IL18BP: variants seen among roughly 807,000 people sequenced by gnomAD.
IL18BP encodes the protein interleukin 18 binding protein.
IL18BP carries 23 observed loss-of-function variants against 19.9 expected under a neutral mutation model. The ratio of observed to expected loss-of-function variants is 1.15; its 90% confidence interval spans 0.83 to 1.64. IL18BP has a LOEUF of 1.64. Among genes scored for constraint, IL18BP ranks in the 40% most tolerant of loss-of-function variants. The probability of loss-of-function intolerance (pLI) is 0.00; values close to 1 mark genes in which losing one functional copy is unlikely to be tolerated. For missense variants in IL18BP, 239 were observed against 240.7 expected, an observed-to-expected ratio of 0.99 and a Z score of 0.05; for synonymous variants, 107 against 101.0, an observed-to-expected ratio of 1.06 and a Z score of -0.35.
chr11:71,999,884 A>G, intron 1 of IL18BP, 43 bp from the exon 2 acceptor site: 1 of 1,219,402 alleles, frequency 8.2e-7, no homozygotes, highest in Non-Finnish European at 1.2e-6. Context: ...TACTGAGAAA[A>G]AGCGGGAGTG....
At chr11:72,003,552 A>T, downstream of IL18BP, 2 of 1,614,150 alleles carry the variant, frequency 1.2e-6, no homozygotes, top group South Asian at 2.2e-5. Context: ...AAAGAGACAC[A>T]GTCACATGGC....
At chr11:72,005,386 A>G (rs1197842950), downstream of IL18BP, 3 of 1,601,132 alleles carry the variant, frequency 1.9e-6, no homozygotes, top group Admixed American at 3.5e-5. Context: ...AAGGCAGGGA[A>G]GTGGGAACAA....
downstream of IL18BP, among the ~76,000 whole-genome samples, chr11:72,006,505 T>A (rs1334981593): frequency 6.6e-6 from 1 of 152,200 alleles, no homozygotes; most frequent in Non-Finnish European, 1.5e-5. Flanking sequence ...CATAATGCTT[T>A]GAGGTAGGGA....
At chr11:72,001,610 G>A in intron 5 of IL18BP, 58 bp downstream of exon 5, 2 of 1,590,632 alleles carry the variant, frequency 1.3e-6, no homozygotes, top group Non-Finnish European at 1.7e-6. Context: ...CCATATGTGG[G>A]GAGGAAAGGG....
downstream of IL18BP, chr11:72,004,567 C>T (rs1955545268): frequency 1.7e-5 from 25 of 1,475,610 alleles, no homozygotes; most frequent in Non-Finnish European, 2.3e-5. Context: ...GAGAAGGCTC[C>T]CTTTAGTCCT....
At chr11:72,004,084 A>G, downstream of IL18BP, 2 of 1,613,146 alleles carry the variant, frequency 1.2e-6, no homozygotes, top group Non-Finnish European at 1.7e-6. Flanking sequence ...AAGGCCATCG[A>G]CTGGCGCCGG....
downstream of IL18BP, chr11:72,003,539 C>T: frequency 1.2e-6 from 2 of 1,614,198 alleles, no homozygotes; most frequent in East Asian, 2.2e-5. Context: ...AGTGCTTTGC[C>T]TGAAAGAGAC....
rs1040771898 is a variant in IL18BP at position 72,002,679 on chromosome 11, G to A, written c.*818G>A. The A allele has an allele frequency of 1.7e-5, 3 of 172,694 alleles. No individual in the cohort carries two copies. In the East Asian group the frequency reaches 3.1e-4, roughly 18 times the overall value. The allele number at this position is 172,694 out of a possible 1,614,324, so 10.7% of individuals were successfully genotyped here. On this transcript the variant is annotated 3_prime_UTR_variant, in exon 6 of 6. Coordinates refer to ENST00000393703, the MANE Select transcript of IL18BP (RefSeq NM_001039660.2). Reference sequence around the variant, plus strand: ...ACAGGCGCTTGAAAAAGAAAAGAGAGAACAGCCCATAATGCTCCCCGGGAG... The same window carrying A: ...ACAGGCGCTTGAAAAAGAAAAGAGAAAACAGCCCATAATGCTCCCCGGGAG...
At chr11:72,004,673 G>A (rs371991827), downstream of IL18BP, 8 of 1,613,206 alleles carry the variant, frequency 5.0e-6, no homozygotes, top group African/African-American at 8.0e-5. Context: ...GGGGCTCTAG[G>A]GAGACCCGTT....
At chr11:72,003,769 AC>A (rs1955439858), downstream of IL18BP, 5 of 1,143,752 alleles carry the variant, frequency 4.4e-6, no homozygotes, top group Non-Finnish European at 6.4e-6. Context: ...GACACCTCTT[AC>A]CCCACACCCT....
In IL18BP at chr11:72,002,446, G is replaced by T. The variant is rs1955313806; in HGVS notation, c.*585G>T. On this transcript the variant is annotated 3_prime_UTR_variant, in exon 6 of 6. Transcript: ENST00000393703. ...ACTCTAATGGACTGTTCCAGGGAAG[G>T]GATGGGGGCAGCAGCTGCTTCGGAT... 3 of 153,660 alleles carry T rather than the reference G, an allele frequency of 2.0e-5. No individual in the cohort carries two copies. The highest frequency in any genetic ancestry group is 2.0e-4 in the South Asian group (1 of 4,906). 9.5% of individuals were successfully genotyped at this position (153,660 alleles called of 1,614,324 possible). A position where few individuals can be genotyped will look rare whatever the true frequency, so the allele number is the denominator to read the frequency against.
downstream of IL18BP, chr11:72,003,185 C>G (rs1214585781): frequency 2.6e-6 from 1 of 387,134 alleles, no homozygotes; most frequent in African/African-American, 2.0e-5. Context: ...CCTTCTAGAT[C>G]CAGAGGCTAA....
chr11:72,004,909 C>G, downstream of IL18BP: 1 of 1,255,944 alleles, frequency 8.0e-7, no homozygotes, highest in Non-Finnish European at 1.1e-6. Flanking sequence ...TCGCCCGACA[C>G]TTATGGTCGG....
Position 71,999,268 on chromosome 11 carries a change from G to A in IL18BP, c.-59+249G>A, listed in dbSNP as rs77379651. On this transcript the variant is annotated intron_variant, in intron 1 of 5. Coordinates refer to ENST00000393703, the MANE Select transcript of IL18BP (RefSeq NM_001039660.2). ...TCCCCTTGAATGTCAGTGTGAAGGT[G>A]AAGGAGGAAGCAGATGCCTGTTCAT... 8.3e-3 allele frequency: 3,529 copies of A among 423,790 alleles called. 109 individuals are homozygous for A. Among genetic ancestry groups the A allele is most frequent in the African/African-American group, 0.067 (3,269 of 48,986 alleles). The allele number at this position is 423,790 out of a possible 1,614,324, so 26.3% of individuals were successfully genotyped here.
chr11:72,000,123 C>G (rs1955133880), intron 2 of IL18BP, 111 bp downstream of exon 2: 1 of 1,196,868 alleles, frequency 8.4e-7, no homozygotes, highest in African/African-American at 1.5e-5. Flanking sequence ...CCCAGCGCAC[C>G]TGGTGCTGTT....
rs745433117 is a variant in IL18BP, at chr11:71,999,427, A to G, written c.-59+408A>G. The G allele has an allele frequency of 1.0e-4, 25 of 244,802 alleles. No homozygotes were observed. In the Middle Eastern group the frequency reaches 4.6e-3, roughly 45 times the overall value. 15.2% of individuals were successfully genotyped at this position (244,802 alleles called of 1,614,324 possible). On this transcript the variant is annotated intron_variant, in intron 1 of 5. Coordinates refer to ENST00000393703, the MANE Select transcript of IL18BP (RefSeq NM_001039660.2). The stretch of plus-strand genomic sequence containing the variant: ...GACCCTGGGGGTGGCATGGGGGTAG[A>G]TTAGAGATCCCAGTCTGGTATCCTC...
chr11:72,001,833 GC>G lies in IL18BP; in HGVS notation c.559del (p.His187ThrfsTer32), dbSNP rs1565174482. On this transcript the variant is annotated frameshift_variant, in exon 6 of 6. Coordinates refer to ENST00000393703, the MANE Select transcript of IL18BP (RefSeq NM_001039660.2). LOFTEE classifies it high-confidence loss of function. ...LPPTQEALPS[S>X]HSSPQQQG ...CCCACCCAAGAAGCCCTGCCCTCCA[GC>G]CACAGCAGTCCACAGCAGCAGGGTT... The G allele has an allele frequency of 1.2e-6, 2 of 1,614,162 alleles. No homozygotes were observed. The highest frequency in any genetic ancestry group is 1.7e-6 in the Non-Finnish European group (2 of 1,180,030).
At chr11:72,000,652 A>ACCAGCTGTG in intron 3 of IL18BP, 95 bp downstream of exon 3, 2 of 1,037,428 alleles carry the variant, frequency 1.9e-6, no homozygotes, top group Non-Finnish European at 2.9e-6. Context: ...CCCATGTACC[A>ACCAGCTGTG]CCAGCTGAGC....
chr11:72,001,614 G>A, intron 5 of IL18BP, 62 bp downstream of exon 5: 1 of 1,589,394 alleles, frequency 6.3e-7, no homozygotes, highest in Non-Finnish European at 8.6e-7. Flanking sequence ...ATGTGGGGAG[G>A]AAAGGGTGGG....
Sources: allele counts gnomAD v4.1 joint callset (sites outside exome capture counted in the v4.1 genomes callset), GRCh38; gene constraint gnomAD v4.1.1; transcripts MANE v1.5; gene names NCBI Gene and HGNC (gene_info 2026-07-23, HGNC 2026-07-21).